The following SLC5A6 variants were observed in gnomAD, a reference collection of about 807,000 sequenced individuals.
SLC5A6 encodes the protein solute carrier family 5 member 6.
In SLC5A6, 31 loss-of-function variants were observed where a neutral mutation model predicts 67.9. The observed-to-expected ratio is 0.46, with a 90% confidence interval of 0.34 to 0.62. The LOEUF (loss-of-function observed/expected upper bound fraction) is 0.62. Among genes scored for constraint, SLC5A6 ranks in the 20% least tolerant of loss-of-function variants. SLC5A6 has a pLI of 0.01. For missense variants in SLC5A6, 673 were observed against 812.8 expected (o/e 0.83, Z 2.09); for synonymous variants, 343 against 331.0 (o/e 1.04, Z -0.39).
At chr2:27,204,028 C>G (rs1477886042) in intron 9 of SLC5A6, among the ~76,000 whole-genome samples, 161 bp from the exon 10 acceptor site, 4 of 152,116 alleles carry the variant, frequency 2.6e-5, no homozygotes, top group Admixed American at 6.5e-5. Context: ...ACCCAAGTGT[C>G]TACACATTAA....
Position 27,201,672 on chromosome 2 carries a change from A to T in SLC5A6, c.1538T>A (p.Phe513Tyr). Reference sequence around the variant, plus strand: ...ATAGCAAGCCCTGCCTTACTTGGAGAAGGTAGTCAAGGGCATCAGTGTGGT... The same window carrying T: ...ATAGCAAGCCCTGCCTTACTTGGAGTAGGTAGTCAAGGGCATCAGTGTGGT... The part of the protein sequence containing the change: ...TVTTLMPLTT[F>Y]SKPTGLQRFY... The change falls in exon 14 of 17, where the codon TTC becomes TAC. Residue 513 changes from phenylalanine (F) to tyrosine (Y), a missense_variant. Phe to Tyr is a conservative substitution (Grantham distance 22). Transcript: ENST00000310574. 6.2e-7 allele frequency: 1 copy of T among 1,613,564 alleles called. No individual in the cohort carries two copies. The highest frequency in any genetic ancestry group is 8.5e-7 in the Non-Finnish European group (1 of 1,179,556).
chr2:27,203,092 T>C (rs1477140159), intron 11 of SLC5A6, 141 bp downstream of exon 11: 6 of 1,505,924 alleles, frequency 4.0e-6, no homozygotes, highest in South Asian at 2.7e-5. Context: ...GAAACAACCA[T>C]GCATGCAGGG....
chr2:27,211,987 T>C lies in SLC5A6; in HGVS notation c.-208+33A>G, dbSNP rs1387479348. On this transcript the variant is annotated intron_variant, in intron 1 of 16. Coordinates refer to ENST00000310574, the MANE Select transcript of SLC5A6 (RefSeq NM_021095.4). The stretch of plus-strand genomic sequence containing the variant: ...GGGGCCCCGCCCCCTGCCCGCCCCC[T>C]GCCCGCCCCGCTCGCCGTGCCGCCA... 15 of 424,606 alleles carry C rather than the reference T, an allele frequency of 3.5e-5. No homozygotes were observed. In the East Asian group the frequency reaches 6.9e-4, roughly 20 times the overall value. The allele number at this position is 424,606 out of a possible 1,614,324, so 26.3% of individuals were successfully genotyped here.
At chr2:27,211,298 G>A (rs1674478710) in intron 2 of SLC5A6, among the ~76,000 whole-genome samples, 169 bp downstream of exon 2, 1 of 152,216 alleles carries the variant, frequency 6.6e-6, no homozygotes, top group Non-Finnish European at 1.5e-5. Flanking sequence ...CACCATGGGG[G>A]TAATGTGGAA....
upstream of SLC5A6, chr2:27,212,431 C>A: frequency 6.4e-7 from 1 of 1,558,760 alleles, no homozygotes; most frequent in East Asian, 2.4e-5. Context: ...CCCTGCTCCT[C>A]GCTCTGGGCG....
chr2:27,203,330 A>G lies in SLC5A6; in HGVS notation c.1110T>C (p.Ala370=). 6.2e-7 allele frequency: 1 copy of G among 1,614,196 alleles called. No homozygotes were observed. Among genetic ancestry groups the G allele is most frequent in the Non-Finnish European group, 8.5e-7 (1 of 1,180,034 alleles). The change falls in exon 11 of 17, where the codon GCT becomes GCC. Residue 370 remains alanine (A), a synonymous_variant. Coordinates refer to ENST00000310574, the MANE Select transcript of SLC5A6 (RefSeq NM_021095.4). ...TCGTAACAGTTGCCAATGAATTAAA[A>G]GCAGAGGATATAGTGCTGAAAAAGA... is the stretch of plus-strand genomic sequence containing the variant. ...FSGSLSTISS[A]FNSLATVTME... is the part of the protein sequence containing the mutation.
chr2:27,204,573 A>G lies in SLC5A6; in HGVS notation c.893T>C (p.Phe298Ser), dbSNP rs1673907633. 5 of 1,614,018 alleles carry G rather than the reference A, an allele frequency of 3.1e-6. No individual in the cohort carries two copies. The East Asian group carries it at 1.1e-4, about 36-fold the overall frequency. Residue 298 changes from phenylalanine to serine, a missense_variant, in exon 9 of 17, where the codon TTC becomes TCC. Transcript: ENST00000310574. ...KAAVLSCYAV[F>S]PFQQVSLCVG... ...GCAGAGGGACACCTGCTGGAAGGGG[A>G]ACACTGCATAACAGGAGCTGCAAAA...
At chr2:27,211,976 T>TGCCCGCCCCCG in intron 1 of SLC5A6, 44 bp downstream of exon 1, 1 of 415,016 alleles carries the variant, frequency 2.4e-6, no homozygotes, top group Non-Finnish European at 4.1e-6. Context: ...CCCCGCCCCC[T>TGCCCGCCCCCG]GCCCGCCCCC....
chr2:27,205,369 C>T lies in SLC5A6; in HGVS notation c.715G>A (p.Gly239Ser), dbSNP rs370651608. 3.0e-5 allele frequency: 48 copies of T among 1,614,116 alleles called. No homozygotes were observed. The highest frequency in any genetic ancestry group is 5.3e-5 in the African/African-American group (4 of 75,022). ...GRVWAVASQH[G>S]RISGFELDPD... is the part of the protein sequence containing the mutation. ...ACTTACTCAAACCCAGAGATGCGGC[C>T]GTGCTGGGAAGCCACGGCCCACACA... Residue 239 changes from glycine to serine, a missense_variant, in exon 7 of 17, where the codon GGC becomes AGC. By Grantham distance (56) the Gly-to-Ser change is moderately conservative (BLOSUM62 0). Coordinates refer to ENST00000310574, the MANE Select transcript of SLC5A6 (RefSeq NM_021095.4).
chr2:27,204,242 G>A (rs936634844), intron 9 of SLC5A6, among the ~76,000 whole-genome samples: 1 of 152,094 alleles, frequency 6.6e-6, no homozygotes, highest in African/African-American at 2.4e-5. Flanking sequence ...AGTCAGTAAG[G>A]GTAGGTCCTC....
chr2:27,203,338 A>G lies in SLC5A6; in HGVS notation c.1102T>C (p.Ser368Pro). The G allele has an allele frequency of 6.2e-7, 1 of 1,614,124 alleles. No individual in the cohort carries two copies. The highest frequency in any genetic ancestry group is 8.5e-7 in the Non-Finnish European group (1 of 1,180,006). ...GTTGCCAATGAATTAAAAGCAGAGGATATAGTGCTGAAAAAGAGGAAGAGG... is the reference window on the plus strand; with the variant it reads ...GTTGCCAATGAATTAAAAGCAGAGGGTATAGTGCTGAAAAAGAGGAAGAGG... ...CLFSGSLSTI[S>P]SAFNSLATVT... is the part of the protein sequence containing the mutation. The change falls in exon 11 of 17, where the codon TCC (serine) becomes CCC (proline). Residue 368 changes from serine (S) to proline (P), a missense_variant. Coordinates refer to ENST00000310574, the MANE Select transcript of SLC5A6 (RefSeq NM_021095.4).
intron 2 of SLC5A6, among the ~76,000 whole-genome samples, chr2:27,210,026 G>A (rs1674350100): frequency 1.3e-5 from 2 of 152,348 alleles, no homozygotes; most frequent in South Asian, 4.1e-4. Flanking sequence ...TAAGAGGAAA[G>A]AAGAGGTCTC....
chr2:27,206,040 C>G lies in SLC5A6; in HGVS notation c.565G>C (p.Val189Leu), dbSNP rs199685602. ...ACTGCACTTACCAGAGCTGTATAGA[C>G]GGTACAGACAATGCCCAGGGCCAGC... ...SVLALGIVCT[V>L]YTALGGLKAV... is the part of the protein sequence containing the mutation. Residue 189 changes from valine (V) to leucine (L), a missense_variant, in exon 6 of 17, where the codon GTC becomes CTC. Physicochemically the swap from Val to Leu is conservative, Grantham distance 32 (BLOSUM62 1). Coordinates refer to ENST00000310574, the MANE Select transcript of SLC5A6 (RefSeq NM_021095.4). The G allele has an allele frequency of 1.7e-5, 27 of 1,613,834 alleles. No individual in the cohort carries two copies. Among genetic ancestry groups the G allele is most frequent in the Non-Finnish European group, 2.2e-5 (26 of 1,179,742 alleles).
At position 27,201,777 on chromosome 2, in the gene SLC5A6, C is replaced by T; in HGVS notation, c.1433G>A (p.Ser478Asn). ...FWIGIGSIVT[S>N]MGSSMPPSPS... Reference sequence around the variant, plus strand: ...AGAGGGTGGCATGCTGGAGCCCATGCTGGTCACGATGCTCCCGATGCCAAT... The same window carrying T: ...AGAGGGTGGCATGCTGGAGCCCATGTTGGTCACGATGCTCCCGATGCCAAT... The change falls in exon 14 of 17, where the codon AGC (serine) becomes AAC (asparagine). Residue 478 changes from serine (S) to asparagine (N), a missense_variant. Ser to Asn is a conservative substitution (Grantham distance 46). Transcript: ENST00000310574. 1.2e-6 allele frequency: 2 copies of T among 1,614,198 alleles called. No homozygotes were observed. Among genetic ancestry groups the T allele is most frequent in the Non-Finnish European group, 1.7e-6 (2 of 1,180,018 alleles).
At chr2:27,212,598 GC>G, upstream of SLC5A6, 1 of 1,443,050 alleles carries the variant, frequency 6.9e-7, no homozygotes, top group Middle Eastern at 2.5e-4. Flanking sequence ...TCCCGACCCT[GC>G]CCAGCCAGGT....
chr2:27,212,654 T>G, upstream of SLC5A6: 2 of 1,394,102 alleles, frequency 1.4e-6, no homozygotes, highest in Non-Finnish European at 1.9e-6. Flanking sequence ...GGCGCCCCAG[T>G]CCTGCCGACT....
At chr2:27,212,334 G>A, upstream of SLC5A6, 2 of 1,549,442 alleles carry the variant, frequency 1.3e-6, no homozygotes, top group Non-Finnish European at 1.7e-6. Flanking sequence ...GCGGGGCCGG[G>A]TCGCGCGAGC....
In SLC5A6 at chr2:27,203,261, G is replaced by A. The variant is rs781074215; in HGVS notation, c.1179C>T (p.Ala393=). 6.2e-7 allele frequency: 1 copy of A among 1,614,060 alleles called. No homozygotes were observed. Among genetic ancestry groups the A allele is most frequent in the Non-Finnish European group, 8.5e-7 (1 of 1,179,986 alleles). The part of the protein sequence containing the change: ...IRPWFPEFSE[A]RAIMLSRGLA... ...GGCCTCTGGAAAGCATGATGGCCCG[G>A]GCTTCAGAGAACTCAGGGAACCAAG... The change falls in exon 11 of 17, where the codon GCC becomes GCT. Residue 393 remains alanine, a synonymous_variant. Coordinates refer to ENST00000310574, the MANE Select transcript of SLC5A6 (RefSeq NM_021095.4).
At chr2:27,204,625 C>T (rs373069610) in intron 8 of SLC5A6, 35 bp from the exon 9 acceptor site, 8 of 1,610,928 alleles carry the variant, frequency 5.0e-6, no homozygotes, top group East Asian at 4.5e-5. Context: ...GGAGAGCCGG[C>T]GTTAACAGAC....
Sources: gnomAD v4.1 joint callset for allele counts (sites outside exome capture counted in the v4.1 genomes callset) on GRCh38, gnomAD v4.1.1 for gene constraint, MANE v1.5 for transcripts, NCBI Gene and HGNC (gene_info 2026-07-23, HGNC 2026-07-21) for gene names.